MYH14: variants seen among roughly 807,000 people sequenced by gnomAD.
The protein encoded by MYH14 is myosin-14.
A neutral mutation model predicts 255.5 loss-of-function variants in MYH14; 123 were observed. The observed-to-expected ratio is 0.48, with a 90% CI of 0.42 to 0.56. The LOEUF is 0.56. MYH14 is among the 20% of genes least tolerant of loss of function. The pLI is 0.00. For missense variants in MYH14, 2,423 were observed against 2,802.3 expected (o/e 0.86, Z 3.06); for synonymous variants, 1,095 against 1,161.2 (o/e 0.94, Z 1.16).
chr19:50,249,379 C>G, intron 13 of MYH14: 1 of 620,598 alleles, frequency 1.6e-6, no homozygotes. Flanking sequence ...CTGTCCCCCT[C>G]TCTCTCTGGG....
Position 50,252,933 on chromosome 19 carries a change from T to C in MYH14, c.1945+180T>C, listed in dbSNP as rs953178710. Among the ~76,000 whole-genome samples, 28 of 152,328 alleles carry C rather than the reference T, an allele frequency of 1.8e-4. No homozygotes were observed. Among genetic ancestry groups the C allele is most frequent in the African/African-American group, 6.5e-4 (27 of 41,574 alleles). ...AGTGATGGATGGATCCATAGATTAA[T>C]TGATTGACTATTGATTTGATTGATA... On this transcript the variant is annotated intron_variant, in intron 16 of 42. Transcript: ENST00000642316. This position sits in a 1 kb window ranked among gnomAD's most constrained non-coding sequence, Gnocchi z 4.2.
chr19:50,299,200 G>A (rs1227168481), intron 39 of MYH14, among the ~76,000 whole-genome samples: 1 of 152,182 alleles, frequency 6.6e-6, no homozygotes, highest in Non-Finnish European at 1.5e-5. Flanking sequence ...GAATTAGACC[G>A]TAAGTGTGTG....
intron 1 of MYH14, among the ~76,000 whole-genome samples, chr19:50,207,738 C>A (rs2031891813): frequency 6.6e-6 from 1 of 152,190 alleles, no homozygotes; most frequent in African/African-American, 2.4e-5. Context: ...CAGAGGTGGT[C>A]AGGGAACCTG....
chr19:50,238,853 A>G (rs1199526580), intron 10 of MYH14, among the ~76,000 whole-genome samples: 1 of 152,050 alleles, frequency 6.6e-6, no homozygotes, highest in Non-Finnish European at 1.5e-5. Flanking sequence ...GGGGTCTGTT[A>G]TTCATCCTCC....
intron 5 of MYH14, 146 bp downstream of exon 5, chr19:50,223,495 G>A: frequency 3.0e-6 from 2 of 675,176 alleles, no homozygotes; most frequent in Non-Finnish European, 5.3e-6. Flanking sequence ...GTGTGCCTGG[G>A]GTGGGGCTGG....
chr19:50,245,482 A>G (rs1367334057), intron 11 of MYH14, among the ~76,000 whole-genome samples: 1 of 151,704 alleles, frequency 6.6e-6, no homozygotes, highest in Non-Finnish European at 1.5e-5. Context: ...AGAAAAAGAA[A>G]GACAATTACC....
chr19:50,257,040 GA>G (rs1451800036), intron 17 of MYH14, among the ~76,000 whole-genome samples: 1 of 152,192 alleles, frequency 6.6e-6, no homozygotes, highest in African/African-American at 2.4e-5. Context: ...ACCAGAGTTT[GA>G]GAGGACTCCT....
chr19:50,282,626 T>C (rs1168181734), intron 33 of MYH14, among the ~76,000 whole-genome samples: 1 of 151,724 alleles, frequency 6.6e-6, no homozygotes, highest in Non-Finnish European at 1.5e-5. Flanking sequence ...TCACTTGAAC[T>C]GGAAAGGCGG....
chr19:50,306,416 A>G (rs1252332968), intron 40 of MYH14, among the ~76,000 whole-genome samples: 1 of 152,222 alleles, frequency 6.6e-6, no homozygotes, highest in Non-Finnish European at 1.5e-5. Context: ...CCCGATTGCT[A>G]GAGGTCCCAT....
chr19:50,293,610 C>T lies in MYH14; in HGVS notation c.5392C>T (p.Gln1798Ter), dbSNP rs1282131914. 1 of 1,612,762 alleles carries T rather than the reference C, an allele frequency of 6.2e-7. No individual in the cohort carries two copies. The highest frequency in any genetic ancestry group is 8.5e-7 in the Non-Finnish European group (1 of 1,179,436). ...GCGTCAGCTGGAGGGGCGCCTGGGG[C>T]AGTTGGAGGAAGAGCTGGAGGAGGA... ...EKRQLEGRLG[Q>*]LEEELEEEQS... Residue 1798 changes from glutamine to a stop codon, truncating the protein, a stop_gained, in exon 39 of 43, where the codon CAG (glutamine) becomes TAG (stop). Transcript: ENST00000642316. LOFTEE classifies it high-confidence loss of function. The surrounding 1 kb of genome is among the most constrained non-coding windows in gnomAD (Gnocchi z 4.1).
In MYH14 at chr19:50,263,331, C is replaced by G; in HGVS notation, c.2605C>G (p.Gln869Glu). 1.3e-6 allele frequency: 2 copies of G among 1,572,088 alleles called. No individual in the cohort carries two copies. Among genetic ancestry groups the G allele is most frequent in the Non-Finnish European group, 1.7e-6 (2 of 1,158,748 alleles). The part of the protein sequence containing the change: ...LARRAFQKRQ[Q>E]QQSALRVMQR... Reference sequence around the variant, plus strand: ...ACCCAGGGCCTTCCAGAAGCGCCAGCAGCAGCAGAGCGCCCTGAGGGTGAT... The same window carrying G: ...ACCCAGGGCCTTCCAGAAGCGCCAGGAGCAGCAGAGCGCCCTGAGGGTGAT... The change falls in exon 22 of 43, where the codon CAG (glutamine) becomes GAG (glutamate). Residue 869 changes from glutamine to glutamate, a missense_variant. Gln to Glu is a conservative substitution (Grantham distance 29). Around this residue, in one of 3 missense-constraint regions of MYH14, gnomAD observed 1,513 missense variants for 1,674.8 expected, o/e 0.90. Coordinates refer to ENST00000642316, the MANE Select transcript of MYH14 (RefSeq NM_001145809.2).
chr19:50,237,223 C>CA (rs1488421281), intron 10 of MYH14, among the ~76,000 whole-genome samples: 1 of 152,088 alleles, frequency 6.6e-6, no homozygotes, highest in Non-Finnish European at 1.5e-5. Context: ...ATGAATGCCC[C>CA]ACCACCACCA....
intron 3 of MYH14, among the ~76,000 whole-genome samples, chr19:50,219,255 A>G (rs1226388684): frequency 1.3e-5 from 2 of 151,406 alleles, no homozygotes; most frequent in African/African-American, 4.8e-5. Flanking sequence ...TGTGTGTGCA[A>G]GTGTCTTTTT....
At chr19:50,284,844 G>A (rs2035839893) in intron 33 of MYH14, 1 of 150,958 alleles carries the variant, frequency 6.6e-6, no homozygotes. Flanking sequence ...GCTCTCCACT[G>A]ACTTGTTTTT....
chr19:50,288,438 G>A (rs1043680729), intron 34 of MYH14, among the ~76,000 whole-genome samples: 7 of 152,172 alleles, frequency 4.6e-5, no homozygotes, highest in African/African-American at 1.4e-4. Context: ...AGCCGTTAAG[G>A]TCCGTCCCTT....
chr19:50,249,558 A>ACCTCTGTCCCCTGTCTCTGGG (rs2034280551), intron 13 of MYH14, 92 bp from the exon 14 acceptor site: 1 of 701,920 alleles, frequency 1.4e-6, no homozygotes. Context: ...CTCTCGATGC[A>ACCTCTGTCCCCTGTCTCTGGG]TCTCTGTCCC....
chr19:50,244,171 G>A lies in MYH14; in HGVS notation c.1115-71G>A, dbSNP rs600730. 254,394 of 1,377,880 alleles carry A rather than the reference G, an allele frequency of 0.18. 24,959 individuals are homozygous for A. The highest frequency in any genetic ancestry group is 0.26 in the Admixed American group (14,971 of 56,970). The allele number at this position is 1,377,880 out of a possible 1,614,324, so 85.4% of individuals were successfully genotyped here. A position where few individuals can be genotyped will look rare whatever the true frequency, so the allele number is the denominator to read the frequency against. ...TTGCCTTAAGCTTTTTAAGTTACATGTTTAAGGGGCCAGTTAAGACCACAC... is the reference window on the plus strand; with the variant it reads ...TTGCCTTAAGCTTTTTAAGTTACATATTTAAGGGGCCAGTTAAGACCACAC... On this transcript the variant is annotated intron_variant, in intron 10 of 42. Coordinates refer to ENST00000642316, the MANE Select transcript of MYH14 (RefSeq NM_001145809.2).
chr19:50,256,516 C>T (rs2034596928), intron 17 of MYH14, among the ~76,000 whole-genome samples: 1 of 152,188 alleles, frequency 6.6e-6, no homozygotes. Flanking sequence ...GGATTACAGG[C>T]ATGTGCCACC....
At chr19:50,223,154 T>A (rs770590220) in intron 4 of MYH14, 44 bp downstream of exon 4, 1 of 1,611,984 alleles carries the variant, frequency 6.2e-7, no homozygotes, top group Non-Finnish European at 8.5e-7. Context: ...GAGGTCTGGG[T>A]GGGGCGTGGC....
Sources: allele counts gnomAD v4.1 joint callset (sites outside exome capture counted in the v4.1 genomes callset), GRCh38; gene constraint gnomAD v4.1.1; regional missense constraint gnomAD v4.1.1; non-coding constraint Gnocchi (gnomAD v3.1); transcripts MANE v1.5; gene names NCBI Gene and HGNC (gene_info 2026-07-23, HGNC 2026-07-21).